CCND3: variants seen among roughly 807,000 people sequenced by gnomAD.
The protein encoded by CCND3 is G1/S-specific cyclin-D3.
A neutral mutation model predicts 28.7 loss-of-function variants in CCND3; 9 were observed. That is an observed-to-expected ratio of 0.31 (90% confidence interval 0.19 to 0.55). CCND3 has a LOEUF of 0.55. CCND3 is among the 20% of genes least tolerant of loss of function. The pLI is 0.93. For synonymous variants in CCND3, 164 were observed against 163.9 expected, an observed-to-expected ratio of 1.00 and a Z score of 0.00; for missense variants, 315 against 385.8, an observed-to-expected ratio of 0.82 and a Z score of 1.54.
At chr6:41,950,713 C>CTT (rs760874931) in intron 1 of CCND3, among the ~76,000 whole-genome samples, 24,438 of 137,116 alleles carry the variant, frequency 0.18, 2,816 homozygotes, top group East Asian at 0.27. Flanking sequence ...TTTTTTTTTT[C>CTT]TTTTTTTTTT....
chr6:42,038,010 G>A (rs183018618), intron 1 of CCND3, among the ~76,000 whole-genome samples: 4 of 142,542 alleles, frequency 2.8e-5, no homozygotes, highest in Non-Finnish European at 3.0e-5. Context: ...CACCCTGGGC[G>A]ACAGAGTGAG....
chr6:42,014,015 T>C (rs1338271999), intron 1 of CCND3, among the ~76,000 whole-genome samples: 1 of 145,216 alleles, frequency 6.9e-6, no homozygotes, highest in East Asian at 2.0e-4. Flanking sequence ...GAGGTTGCAG[T>C]GAGCCGAGAT....
At chr6:41,943,721 C>G (rs1489719062), upstream of CCND3, among the ~76,000 whole-genome samples, 1 of 152,142 alleles carries the variant, frequency 6.6e-6, no homozygotes, top group Non-Finnish European at 1.5e-5. Flanking sequence ...AATAGTTAAA[C>G]CAATCTTTTC....
chr6:42,015,024 A>G (rs1763457355), intron 1 of CCND3, among the ~76,000 whole-genome samples: 1 of 152,212 alleles, frequency 6.6e-6, no homozygotes, highest in Non-Finnish European at 1.5e-5. Context: ...GTCAATATCA[A>G]TAGCAAATAT....
intron 1 of CCND3, among the ~76,000 whole-genome samples, chr6:41,996,139 T>TATATA (rs1491589408): frequency 3.7e-3 from 66 of 17,866 alleles, no homozygotes; most frequent in Middle Eastern, 0.026. Flanking sequence ...TATATATATA[T>TATATA]TTTTTTTGTT....
chr6:42,021,437 C>T (rs551221668), intron 1 of CCND3, among the ~76,000 whole-genome samples: 1 of 152,176 alleles, frequency 6.6e-6, no homozygotes, highest in South Asian at 2.1e-4. Context: ...ACGGACGGGC[C>T]CAAAGGCACA....
chr6:41,942,811 C>T (rs1476918477), upstream of CCND3, among the ~76,000 whole-genome samples: 7 of 151,722 alleles, frequency 4.6e-5, no homozygotes, highest in African/African-American at 1.7e-4. Flanking sequence ...CCCTGCCCTA[C>T]TGGGGTCCTC....
chr6:41,974,741 G>T (rs1265454039), intron 1 of CCND3, among the ~76,000 whole-genome samples: 1 of 151,564 alleles, frequency 6.6e-6, no homozygotes, highest in Non-Finnish European at 1.5e-5. Flanking sequence ...GGATGGGGCG[G>T]GTGGCCAATC....
At position 41,936,169 on chromosome 6, in the gene CCND3, C is replaced by A; in HGVS notation, c.712-62G>T. 4 of 1,505,348 alleles carry A rather than the reference C, an allele frequency of 2.7e-6. No individual in the cohort carries two copies. The highest frequency in any genetic ancestry group is 3.6e-6 in the Non-Finnish European group (4 of 1,123,164). 93.2% of individuals were successfully genotyped at this position (1,505,348 alleles called of 1,614,324 possible). On this transcript the variant is annotated intron_variant, in intron 4 of 4. Coordinates refer to ENST00000372991, the MANE Select transcript of CCND3 (RefSeq NM_001760.5). This position sits in a 1 kb window ranked among gnomAD's most constrained non-coding sequence, Gnocchi z 4.4. ...CCCCCATAGCATCTGGCAGCAGGTG[C>A]AGGGGAAGGACAGCTCCCAACACAT...
chr6:41,968,915 C>T (rs1470525592), intron 1 of CCND3, among the ~76,000 whole-genome samples: 3 of 152,100 alleles, frequency 2.0e-5, no homozygotes, highest in Admixed American at 1.3e-4. Context: ...AAGCGATTCT[C>T]CTGCCTCAGC....
chr6:41,987,145 G>T (rs556068053), intron 1 of CCND3, among the ~76,000 whole-genome samples: 1 of 152,102 alleles, frequency 6.6e-6, no homozygotes, highest in South Asian at 2.1e-4. Flanking sequence ...TATTTTTACA[G>T]TAGGAAGAAA....
rs145594918 is a variant in CCND3, at chr6:42,023,331, C to T, written c.-46+25170G>A. Among the ~76,000 whole-genome samples, 489 of 152,264 alleles carry T rather than the reference C, an allele frequency of 3.2e-3. 3 individuals are homozygous for T. Among genetic ancestry groups the T allele is most frequent in the African/African-American group, 0.011 (463 of 41,536 alleles). On this transcript the variant is annotated intron_variant, in intron 1 of 4. Transcript: ENST00000372988. ...TTTCTAAGTACAAGATGACTGTATG[C>T]GCCTTACAGAGAAAATACATTAGAT...
At chr6:41,979,572 A>G (rs1762279436) in intron 1 of CCND3, among the ~76,000 whole-genome samples, 1 of 150,690 alleles carries the variant, frequency 6.6e-6, no homozygotes, top group African/African-American at 2.4e-5. Flanking sequence ...TATATGTTCA[A>G]TATATTCAAA....
chr6:41,966,455 C>G (rs1761889008), intron 1 of CCND3, among the ~76,000 whole-genome samples: 1 of 152,150 alleles, frequency 6.6e-6, no homozygotes, highest in Admixed American at 6.5e-5. Context: ...CTGTTATACT[C>G]CCAGAACTGA....
At chr6:42,021,223 A>G (rs1213510587) in intron 1 of CCND3, among the ~76,000 whole-genome samples, 2 of 152,208 alleles carry the variant, frequency 1.3e-5, no homozygotes, top group African/African-American at 4.8e-5. Context: ...TATACATTAA[A>G]CTTTATCATT....
At chr6:42,001,625 C>T (rs1272853263) in intron 1 of CCND3, among the ~76,000 whole-genome samples, 11 of 152,062 alleles carry the variant, frequency 7.2e-5, no homozygotes, top group East Asian at 1.9e-4. Flanking sequence ...CATCTGTAAT[C>T]GCAGCTACTG....
intron 1 of CCND3, among the ~76,000 whole-genome samples, chr6:42,014,293 G>T (rs974798416): frequency 6.6e-6 from 1 of 151,926 alleles, no homozygotes; most frequent in East Asian, 1.9e-4. Context: ...CGTGAACCCC[G>T]GGGGGCGGAG....
In CCND3 at chr6:41,955,367, T is replaced by C. The variant is rs562262450; in HGVS notation, c.-45-14782A>G. Among the ~76,000 whole-genome samples the C allele has an allele frequency of 4.6e-5, 7 of 152,204 alleles. No homozygotes were observed. In the South Asian group the frequency reaches 1.2e-3, roughly 27 times the overall value. Reference sequence around the variant, plus strand: ...TAATATGTTGTGATTAAGTTGACTGTATACCAAAGTGCATGGTTAGTTTAT... The same window carrying C: ...TAATATGTTGTGATTAAGTTGACTGCATACCAAAGTGCATGGTTAGTTTAT... On this transcript the variant is annotated intron_variant, in intron 1 of 4. Coordinates refer to the CCND3 transcript ENST00000372988.
At position 41,937,243 on chromosome 6, in the gene CCND3, C is replaced by G; in HGVS notation, c.566G>C (p.Cys189Ser). The change falls in exon 3 of 5, where the codon TGT becomes TCT. Residue 189 changes from cysteine to serine, a missense_variant. Transcript: ENST00000372991. ...GTGCATAGGGCTCTTACCTGTAGCA[C>G]AGAGGGCCAAAAAGGTCTGGGCATG... ...KKHAQTFLAL[C>S]ATDYTFAMYP... 1.2e-6 allele frequency: 2 copies of G among 1,614,154 alleles called. No homozygotes were observed. Among genetic ancestry groups the G allele is most frequent in the Non-Finnish European group, 1.7e-6 (2 of 1,180,018 alleles).
Sources: allele counts gnomAD v4.1 joint callset (sites outside exome capture counted in the v4.1 genomes callset), GRCh38; gene constraint gnomAD v4.1.1; non-coding constraint Gnocchi (gnomAD v3.1); transcripts MANE v1.5; gene names NCBI Gene and HGNC (gene_info 2026-07-23, HGNC 2026-07-21).